Variants in RGS20 observed in about 807,000 individuals in gnomAD.
RGS20 encodes the protein gz-selective GTPase-activating protein.
RGS20 carries 30 observed loss-of-function variants against 33.6 expected under a neutral mutation model. The observed-to-expected ratio is 0.89, with a 90% CI of 0.67 to 1.21. The LOEUF (loss-of-function observed/expected upper bound fraction) is 1.21. RGS20 is among the 50% of genes most tolerant of loss of function. The pLI, the probability that RGS20 is intolerant of heterozygous loss-of-function variation, is 0.00. For synonymous variants in RGS20, 208 were observed against 197.9 expected (o/e 1.05, Z -0.43); for missense variants, 472 against 502.4 (o/e 0.94, Z 0.58).
chr8:53,931,528 C>T (rs1813958513), intron 2 of RGS20, among the ~76,000 whole-genome samples: 1 of 151,890 alleles, frequency 6.6e-6, no homozygotes, highest in African/African-American at 2.4e-5. Flanking sequence ...GCAGTCCAGC[C>T]TGGGCAACAA....
At chr8:53,958,243 A>G in intron 5 of RGS20, 27 bp from the exon 5 acceptor site, 2 of 1,563,556 alleles carry the variant, frequency 1.3e-6, no homozygotes, top group Non-Finnish European at 1.7e-6. Flanking sequence ...AGTCTCTAAT[A>G]CAGCTCCTAC....
In RGS20 at chr8:53,943,163, G is replaced by A. The variant is rs1031350654; in HGVS notation, c.659+3439G>A. ...GTTAAAAATGGTGGCTCTCTCTAGG[G>A]TAAAGAGAGGAAGAAATGAGATGGG... is the stretch of plus-strand genomic sequence containing the variant. On this transcript the variant is annotated intron_variant, in intron 3 of 5. Transcript: ENST00000297313. Among the ~76,000 whole-genome samples the A allele has an allele frequency of 2.0e-5, 3 of 152,232 alleles. No homozygotes were observed. In the East Asian group the frequency reaches 5.8e-4, roughly 29 times the overall value.
At chr8:53,942,531 A>G (rs985731260) in intron 3 of RGS20, among the ~76,000 whole-genome samples, 2 of 152,086 alleles carry the variant, frequency 1.3e-5, no homozygotes, top group African/African-American at 4.8e-5. Flanking sequence ...CTGCAAAAAA[A>G]GGAGACATGT....
intron 3 of RGS20, among the ~76,000 whole-genome samples, chr8:53,943,100 AT>A (rs1400784145): frequency 1.3e-5 from 2 of 152,244 alleles, no homozygotes; most frequent in Non-Finnish European, 2.9e-5. Flanking sequence ...TGAATATAAT[AT>A]AGTAGCATAA....
rs140287664 is a variant in RGS20, at chr8:53,942,567, T to A, written c.659+2843T>A. 3.7e-3 allele frequency among the ~76,000 whole-genome samples: 568 copies of A among 152,206 alleles called. 4 individuals are homozygous for A. Among genetic ancestry groups the A allele is most frequent in the African/African-American group, 0.013 (550 of 41,562 alleles). On this transcript the variant is annotated intron_variant, in intron 3 of 5. Transcript: ENST00000297313. The stretch of plus-strand genomic sequence containing the variant: ...ATGAGAAGATTCACTACAGCATTCA[T>A]CTGAGTGAGAAAAATTTAAAATGGT...
chr8:53,959,022 T>C lies in RGS20; in HGVS notation c.*564T>C, dbSNP rs1451185879. The C allele has an allele frequency of 6.6e-6, 1 of 152,150 alleles. No homozygotes were observed. Among genetic ancestry groups the C allele is most frequent in the African/African-American group, 2.4e-5 (1 of 41,362 alleles). The allele number at this position is 152,150 out of a possible 1,614,324, so 9.4% of individuals were successfully genotyped here. Reference sequence around the variant, plus strand: ...GTATGTATGTATGTATGGAGACATATGTGTGCGTGTGGATGTCTACATGGT... The same window carrying C: ...GTATGTATGTATGTATGGAGACATACGTGTGCGTGTGGATGTCTACATGGT... On this transcript the variant is annotated 3_prime_UTR_variant, in exon 6 of 6. Coordinates refer to ENST00000297313, the MANE Select transcript of RGS20 (RefSeq NM_170587.4).
At chr8:53,890,353 C>A (rs901316961) in intron 2 of RGS20, among the ~76,000 whole-genome samples, 14 of 152,104 alleles carry the variant, frequency 9.2e-5, no homozygotes, top group African/African-American at 3.1e-4. Flanking sequence ...CCCATCTTTT[C>A]ATCAGTTTAG....
intron 4 of RGS20, among the ~76,000 whole-genome samples, chr8:53,948,177 T>A (rs1459591142): frequency 1.5e-5 from 2 of 134,072 alleles, no homozygotes; most frequent in Admixed American, 8.0e-5. Flanking sequence ...GCTATATATA[T>A]GATATAGTAT....
At chr8:53,901,969 C>T (rs1466398832) in intron 2 of RGS20, among the ~76,000 whole-genome samples, 3 of 152,158 alleles carry the variant, frequency 2.0e-5, no homozygotes, top group Non-Finnish European at 2.9e-5. Context: ...TCATTCTCAT[C>T]GCTGAATAAT....
At chr8:53,923,178 TA>T in intron 2 of RGS20, among the ~76,000 whole-genome samples, 1 of 152,254 alleles carries the variant, frequency 6.6e-6, no homozygotes, top group South Asian at 2.1e-4. Flanking sequence ...ATTACTGCTT[TA>T]TATAATCCTC....
intron 2 of RGS20, among the ~76,000 whole-genome samples, chr8:53,898,659 C>T (rs1289633824): frequency 3.3e-5 from 5 of 152,218 alleles, no homozygotes; most frequent in Admixed American, 2.6e-4. Context: ...ACAGTAAGGG[C>T]TTATGTGGCA....
chr8:53,913,443 A>G (rs761286698), intron 2 of RGS20: 1 of 152,194 alleles, frequency 6.6e-6, no homozygotes, highest in Non-Finnish European at 1.5e-5. Flanking sequence ...CCCCCAGAAT[A>G]TATGTTGAAG....
chr8:53,957,174 T>G (rs1317390490), intron 5 of RGS20, among the ~76,000 whole-genome samples: 1 of 152,232 alleles, frequency 6.6e-6, no homozygotes, highest in Non-Finnish European at 1.5e-5. Flanking sequence ...TTGCCCAGGC[T>G]GGAGTGCAGT....
intron 1 of RGS20, among the ~76,000 whole-genome samples, chr8:53,871,405 G>A (rs542620017): frequency 3.3e-5 from 5 of 151,900 alleles, no homozygotes; most frequent in South Asian, 2.1e-4. Context: ...GGCCAGGCAC[G>A]GTGGGTTACA....
chr8:53,920,802 G>A (rs1023471019), intron 2 of RGS20, among the ~76,000 whole-genome samples: 8 of 152,082 alleles, frequency 5.3e-5, no homozygotes, highest in Non-Finnish European at 7.4e-5. Flanking sequence ...TCTGTTGCCC[G>A]GGCTGGAGTG....
chr8:53,863,212 C>T (rs1251790421), intron 1 of RGS20, among the ~76,000 whole-genome samples: 1 of 152,026 alleles, frequency 6.6e-6, no homozygotes, highest in African/African-American at 2.4e-5. Context: ...GTCTCAAACT[C>T]CGGACCTCAG....
chr8:53,867,646 T>C (rs1811950676), intron 1 of RGS20, among the ~76,000 whole-genome samples: 1 of 150,182 alleles, frequency 6.7e-6, no homozygotes, highest in African/African-American at 2.5e-5. Flanking sequence ...AATCCAACCA[T>C]TACGGAAGTA....
At chr8:53,855,129 A>G (rs780474469) in intron 1 of RGS20, among the ~76,000 whole-genome samples, 4 of 151,992 alleles carry the variant, frequency 2.6e-5, no homozygotes, top group Non-Finnish European at 5.9e-5. Flanking sequence ...CAGTGGGGCA[A>G]TCTCGGCTCA....
At chr8:53,908,761 A>ACC (rs1563386409) in intron 2 of RGS20, among the ~76,000 whole-genome samples, 1 of 151,848 alleles carries the variant, frequency 6.6e-6, no homozygotes, top group Non-Finnish European at 1.5e-5. Flanking sequence ...CTATAATTGC[A>ACC]CCACCACACT....
Sources: allele counts gnomAD v4.1 joint callset (sites outside exome capture counted in the v4.1 genomes callset), GRCh38; gene constraint gnomAD v4.1.1; transcripts MANE v1.5; gene names NCBI Gene and HGNC (gene_info 2026-07-23, HGNC 2026-07-21).